The following ZNF827 variants were observed in gnomAD, a reference collection of about 807,000 sequenced individuals.
The protein encoded by ZNF827 is zinc finger protein 827.
ZNF827 carries 13 observed loss-of-function variants against 102.4 expected under a neutral mutation model. The observed-to-expected ratio is 0.13, with a 90% CI of 0.08 to 0.20. The LOEUF is 0.20. Ranked by LOEUF, ZNF827 falls within the 10% of genes least tolerant of loss-of-function variation. ZNF827 has a pLI of 1.00. For missense variants in ZNF827, 1,103 were observed against 1,344.4 expected, an observed-to-expected ratio of 0.82 and a Z score of 2.81; for synonymous variants, 523 against 536.2, an observed-to-expected ratio of 0.98 and a Z score of 0.34.
intron 7 of ZNF827, among the ~76,000 whole-genome samples, chr4:145,836,629 C>A (rs1176204589): frequency 1.3e-5 from 2 of 152,126 alleles, no homozygotes; most frequent in Non-Finnish European, 2.9e-5. Context: ...TGATACCACA[C>A]CTGACCCCCA....
chr4:145,764,064 C>T (rs754406822), intron 13 of ZNF827, among the ~76,000 whole-genome samples: 2 of 152,190 alleles, frequency 1.3e-5, no homozygotes, highest in African/African-American at 2.4e-5. Context: ...GCAGGTTGTG[C>T]GTTTCAATGA....
Position 145,849,755 on chromosome 4 carries a change from G to GT in ZNF827, c.1982-195dup, listed in dbSNP as rs199833473. On this transcript the variant is annotated intron_variant, in intron 5 of 14. Transcript: ENST00000508784. ...ATACCAGAAAAGGTAGGAGACTTCAGTTTTTTTTAGCCCAGAGAGACTCAG... is the reference window on the plus strand; with the variant it reads ...ATACCAGAAAAGGTAGGAGACTTCAGTTTTTTTTTAGCCCAGAGAGACTCAG... Among the ~76,000 whole-genome samples the GT allele has an allele frequency of 4.5e-3, 690 of 152,120 alleles. 9 individuals carry two copies. Among genetic ancestry groups the GT allele is most frequent in the East Asian group, 6.0e-3 (31 of 5,164 alleles).
chr4:145,760,888 T>C lies in ZNF827; in HGVS notation c.*728A>G. 8.1e-7 allele frequency: 1 copy of C among 1,229,584 alleles called. No individual in the cohort carries two copies. The highest frequency in any genetic ancestry group is 1.0e-6 in the Non-Finnish European group (1 of 960,942). 76.2% of individuals were successfully genotyped at this position (1,229,584 alleles called of 1,614,324 possible). On this transcript the variant is annotated 3_prime_UTR_variant, in exon 15 of 15. Coordinates refer to ENST00000508784, the MANE Select transcript of ZNF827 (RefSeq NM_001306215.2). ...AGGTCGGGGAGGGTGGAATGTGAGA[T>C]CCAAGTGGTTCTTGGGGTATAACAT...
intron 8 of ZNF827, among the ~76,000 whole-genome samples, chr4:145,814,769 CAAAA>C (rs773438540): frequency 5.4e-5 from 4 of 74,360 alleles, no homozygotes; most frequent in Admixed American, 1.4e-4. Flanking sequence ...ACTAAAAATA[CAAAA>C]AAAAAAAAAA....
intron 8 of ZNF827, among the ~76,000 whole-genome samples, chr4:145,803,132 T>C (rs1741079071): frequency 6.6e-6 from 1 of 152,204 alleles, no homozygotes; most frequent in Non-Finnish European, 1.5e-5. Flanking sequence ...TCTATATGTT[T>C]TGCATTGTTA....
intron 8 of ZNF827, among the ~76,000 whole-genome samples, chr4:145,788,950 G>A (rs1194831255): frequency 6.6e-6 from 1 of 152,184 alleles, no homozygotes; most frequent in African/African-American, 2.4e-5. Flanking sequence ...TTTCCAGGTG[G>A]CAATGTGCCC....
intron 1 of ZNF827, among the ~76,000 whole-genome samples, chr4:145,915,461 G>A (rs540170885): frequency 2.3e-4 from 35 of 151,640 alleles, no homozygotes; most frequent in African/African-American, 5.1e-4. Context: ...AAAAAAAATC[G>A]CTCTCCCAAT....
intron 8 of ZNF827, among the ~76,000 whole-genome samples, chr4:145,783,996 C>T (rs1037655641): frequency 1.1e-4 from 16 of 152,098 alleles, no homozygotes; most frequent in South Asian, 2.1e-4. Flanking sequence ...TGAGTTCTCA[C>T]GAGATCTGGT....
chr4:145,781,473 G>A (rs985930604), intron 8 of ZNF827, among the ~76,000 whole-genome samples: 1 of 152,142 alleles, frequency 6.6e-6, no homozygotes, highest in African/African-American at 2.4e-5. Flanking sequence ...TGTTCGCTGT[G>A]AGGCACCTGC....
At chr4:145,819,264 C>T (rs949570765) in intron 8 of ZNF827, among the ~76,000 whole-genome samples, 1 of 152,086 alleles carries the variant, frequency 6.6e-6, no homozygotes, top group Non-Finnish European at 1.5e-5. Context: ...TCCACGGAGA[C>T]CCACATTTTC....
intron 8 of ZNF827, among the ~76,000 whole-genome samples, chr4:145,803,658 A>G (rs918407780): frequency 6.6e-6 from 1 of 152,178 alleles, no homozygotes; most frequent in African/African-American, 2.4e-5. Flanking sequence ...GAGTTTTTCC[A>G]ATTGATCAAA....
intron 1 of ZNF827, among the ~76,000 whole-genome samples, chr4:145,930,852 T>C (rs754501129): frequency 1.9e-4 from 29 of 152,068 alleles, no homozygotes; most frequent in Admixed American, 4.6e-4. Flanking sequence ...TGTGTGTGTG[T>C]GCGCGCGCAT....
chr4:145,831,875 T>TA (rs1744242222), intron 7 of ZNF827: 1 of 152,092 alleles, frequency 6.6e-6, no homozygotes, highest in Non-Finnish European at 1.5e-5. Flanking sequence ...CTATTTTGGT[T>TA]AAAAAATTTC....
intron 1 of ZNF827, among the ~76,000 whole-genome samples, chr4:145,907,772 G>A (rs976396363): frequency 2.0e-5 from 3 of 152,310 alleles, no homozygotes; most frequent in Middle Eastern, 3.4e-3. Context: ...GTCTCTGACT[G>A]TCAGGTTCAC....
In ZNF827 at chr4:145,765,465, G is replaced by A. The variant is rs902344807; in HGVS notation, c.3052+82C>T. On this transcript the variant is annotated intron_variant, in intron 12 of 14. Coordinates refer to ENST00000508784, the MANE Select transcript of ZNF827 (RefSeq NM_001306215.2). This position sits in a 1 kb window ranked among gnomAD's most constrained non-coding sequence, Gnocchi z 4.7. ...GGGCCTATTATCAGTTTTTGACATCGCTCCTGTGCAGGGCTTATTCTCAAG... is the reference window on the plus strand; with the variant it reads ...GGGCCTATTATCAGTTTTTGACATCACTCCTGTGCAGGGCTTATTCTCAAG... 8.8e-6 allele frequency: 13 copies of A among 1,469,792 alleles called. No individual in the cohort carries two copies. Among genetic ancestry groups the A allele is most frequent in the Admixed American group, 2.3e-5 (1 of 43,524 alleles). The allele number at this position is 1,469,792 out of a possible 1,614,324, so 91.0% of individuals were successfully genotyped here.
At position 145,848,757 on chromosome 4, in the gene ZNF827, T is replaced by A. The variant is rs561553215; in HGVS notation, c.2221+565A>T. On this transcript the variant is annotated intron_variant, in intron 6 of 14. Coordinates refer to ENST00000508784, the MANE Select transcript of ZNF827 (RefSeq NM_001306215.2). The stretch of plus-strand genomic sequence containing the variant: ...GACACCTCACTGAGCTGGTAATTAC[T>A]GCACTTTTCAATTGTAAGTATGTGC... 1.2e-4 allele frequency among the ~76,000 whole-genome samples: 19 copies of A among 152,332 alleles called. No individual in the cohort carries two copies. In the South Asian group the frequency reaches 3.9e-3, roughly 32 times the overall value.
intron 1 of ZNF827, among the ~76,000 whole-genome samples, chr4:145,906,645 G>A (rs1243524084): frequency 6.6e-6 from 1 of 152,204 alleles, no homozygotes; most frequent in African/African-American, 2.4e-5. Flanking sequence ...ACCAAGCAGT[G>A]ATAAAGATGT....
intron 11 of ZNF827, among the ~76,000 whole-genome samples, chr4:145,772,921 G>C (rs527392504): frequency 9.2e-5 from 14 of 152,178 alleles, no homozygotes; most frequent in Admixed American, 5.9e-4. Context: ...GGTTAGTTGT[G>C]AAGTTTCCAC....
chr4:145,771,193 T>G (rs1736227806), intron 11 of ZNF827, among the ~76,000 whole-genome samples: 1 of 152,250 alleles, frequency 6.6e-6, no homozygotes, highest in Admixed American at 6.5e-5. Flanking sequence ...TAAACACATT[T>G]TTTCAGACCC....
Sources: allele counts gnomAD v4.1 joint callset (sites outside exome capture counted in the v4.1 genomes callset), GRCh38; gene constraint gnomAD v4.1.1; non-coding constraint Gnocchi (gnomAD v3.1); transcripts MANE v1.5; gene names NCBI Gene and HGNC (gene_info 2026-07-23, HGNC 2026-07-21).